CMSS1: variants seen among roughly 807,000 people sequenced by gnomAD.
CMSS1 encodes the protein protein CMSS1.
A neutral mutation model predicts 43.5 loss-of-function variants in CMSS1; 33 were observed. That is an observed-to-expected ratio of 0.76 (90% CI 0.57 to 1.01). The LOEUF (loss-of-function observed/expected upper bound fraction) is 1.01, where lower values mean the gene tolerates loss of function less well. Among genes scored for constraint, CMSS1 ranks in the 50% least tolerant of loss-of-function variants. CMSS1 has a pLI of 0.00. For missense variants in CMSS1, 313 were observed against 326.4 expected (o/e 0.96, Z 0.32); for synonymous variants, 115 against 117.2 (o/e 0.98, Z 0.12).
intron 1 of CMSS1, among the ~76,000 whole-genome samples, chr3:99,864,155 TAAC>T (rs1038850702): frequency 5.9e-5 from 9 of 152,220 alleles, no homozygotes; most frequent in African/African-American, 2.2e-4. Flanking sequence ...ATTTGACTTA[TAAC>T]AACAGCTTGA....
At position 99,983,460 on chromosome 3, in the gene CMSS1, GTGTGTATATATATATATATATATATATA is replaced by G. The variant is rs1559713665; in HGVS notation, c.65-163511_65-163484del. On this transcript the variant is annotated intron_variant, in intron 1 of 9. Transcript: ENST00000421999. ...TATATATGTATGTATATATATATAT[GTGTGTATATATATATATATATATATATA>G]TATATATATATATATATATATGTAT... is the stretch of plus-strand genomic sequence containing the variant. 8.9e-3 allele frequency among the ~76,000 whole-genome samples: 618 copies of G among 69,464 alleles called. 20 individuals are homozygous for G. Among genetic ancestry groups the G allele is most frequent in the African/African-American group, 0.015 (147 of 9,670 alleles). 45.6% of individuals were successfully genotyped at this position (69,464 alleles called of 152,430 possible).
intron 1 of CMSS1, among the ~76,000 whole-genome samples, chr3:100,036,862 G>A (rs938371055): frequency 1.3e-5 from 2 of 152,094 alleles, no homozygotes; most frequent in African/African-American, 2.4e-5. Context: ...TTGATATTAC[G>A]CAGTGAGAAA....
chr3:99,978,546 A>AATAAGCCAGG (rs1709033059), intron 1 of CMSS1, among the ~76,000 whole-genome samples: 4 of 152,240 alleles, frequency 2.6e-5, no homozygotes, highest in Non-Finnish European at 4.4e-5. Context: ...AGAAGGATGA[A>AATAAGCCAGG]CACACCACAT....
intron 1 of CMSS1, among the ~76,000 whole-genome samples, chr3:100,034,248 G>T (rs576714156): frequency 4.0e-4 from 61 of 152,258 alleles, no homozygotes; most frequent in African/African-American, 1.2e-3. Context: ...CTCAGAATGG[G>T]GGGAAAAAGC....
At chr3:99,844,174 A>G (rs573475773) in intron 1 of CMSS1, among the ~76,000 whole-genome samples, 6 of 152,286 alleles carry the variant, frequency 3.9e-5, no homozygotes, top group Non-Finnish European at 8.8e-5. Context: ...TAGCCCAGAA[A>G]AAGATCAAAA....
chr3:100,110,130 T>C (rs1385969480), intron 1 of CMSS1: 1 of 152,054 alleles, frequency 6.6e-6, no homozygotes, highest in African/African-American at 2.4e-5. Flanking sequence ...AATGCAATAA[T>C]AAGTTTTAAA....
intron 1 of CMSS1, among the ~76,000 whole-genome samples, chr3:100,068,119 C>T (rs930970395): frequency 6.6e-6 from 1 of 152,202 alleles, no homozygotes; most frequent in Non-Finnish European, 1.5e-5. Context: ...ATATGTAAAA[C>T]TCCAAGGCAA....
chr3:99,826,365 G>C (rs1187278653), intron 1 of CMSS1, among the ~76,000 whole-genome samples: 1 of 152,154 alleles, frequency 6.6e-6, no homozygotes, highest in East Asian at 1.9e-4. Context: ...AATATTTTAG[G>C]TTGTGTGGGT....
intron 1 of CMSS1, among the ~76,000 whole-genome samples, chr3:100,056,686 G>A (rs966151463): frequency 6.6e-6 from 1 of 151,246 alleles, no homozygotes; most frequent in Non-Finnish European, 1.5e-5. Flanking sequence ...CAACCAGGTA[G>A]CAGCTCTAGA....
chr3:99,861,229 GACTT>G (rs1944236955), intron 1 of CMSS1, among the ~76,000 whole-genome samples: 1 of 152,112 alleles, frequency 6.6e-6, no homozygotes. Flanking sequence ...AACAGATTAA[GACTT>G]TAGGTCTTTG....
intron 1 of CMSS1, among the ~76,000 whole-genome samples, chr3:99,936,530 C>T (rs113896850): frequency 2.0e-4 from 28 of 139,944 alleles, no homozygotes; most frequent in African/African-American, 2.7e-4. Context: ...CGCGCACCAC[C>T]ACACCCAGCT....
rs547932382 is a variant in CMSS1 at position 100,051,720 on chromosome 3, G to A, written c.65-95253G>A. On this transcript the variant is annotated intron_variant, in intron 1 of 9. Coordinates refer to ENST00000421999, the MANE Select transcript of CMSS1 (RefSeq NM_032359.4). ...TTATGGCTGCATAGTATTCCATGGT[G>A]TACATGTGCCACATTTTCTTAATCT... Among the ~76,000 whole-genome samples the A allele has an allele frequency of 2.6e-5, 4 of 151,792 alleles. No individual in the cohort carries two copies. The South Asian group carries it at 8.3e-4, about 32-fold the overall frequency.
chr3:100,058,850 G>C (rs1402664752), intron 1 of CMSS1, among the ~76,000 whole-genome samples: 4 of 152,186 alleles, frequency 2.6e-5, no homozygotes, highest in Non-Finnish European at 5.9e-5. Flanking sequence ...ATAAAGTTTA[G>C]TAGTTGAGTG....
intron 1 of CMSS1, among the ~76,000 whole-genome samples, chr3:99,870,285 T>C (rs1944724954): frequency 6.6e-6 from 1 of 152,320 alleles, no homozygotes; most frequent in African/African-American, 2.4e-5. Context: ...ATTCTTACTC[T>C]TTTAGTCTCA....
intron 1 of CMSS1, among the ~76,000 whole-genome samples, chr3:100,108,796 C>T (rs1161036472): frequency 1.3e-5 from 2 of 152,148 alleles, no homozygotes; most frequent in Non-Finnish European, 2.9e-5. Flanking sequence ...TGGTACACCT[C>T]ATGCTCAGCA....
chr3:99,831,208 T>G (rs1344056031), intron 1 of CMSS1, among the ~76,000 whole-genome samples: 1 of 152,224 alleles, frequency 6.6e-6, no homozygotes, highest in African/African-American at 2.4e-5. Flanking sequence ...ATAGTATAAT[T>G]ATGACAACAT....
At chr3:99,969,315 A>G (rs1708746784) in intron 1 of CMSS1, among the ~76,000 whole-genome samples, 1 of 152,238 alleles carries the variant, frequency 6.6e-6, no homozygotes, top group African/African-American at 2.4e-5. Flanking sequence ...GCTCTTGAGC[A>G]ATATGACAGT....
chr3:99,843,902 A>G (rs1240621216), intron 1 of CMSS1, among the ~76,000 whole-genome samples: 2 of 152,200 alleles, frequency 1.3e-5, no homozygotes, highest in East Asian at 3.9e-4. Context: ...TGAACTGCAC[A>G]TGCGAGGGGT....
At chr3:99,934,254 G>T (rs965949371) in intron 1 of CMSS1, among the ~76,000 whole-genome samples, 2 of 152,140 alleles carry the variant, frequency 1.3e-5, no homozygotes, top group Non-Finnish European at 2.9e-5. Context: ...AAGATACAAG[G>T]CCACATTGCA....
Sources: allele counts gnomAD v4.1 joint callset (sites outside exome capture counted in the v4.1 genomes callset), GRCh38; gene constraint gnomAD v4.1.1; transcripts MANE v1.5; gene names NCBI Gene and HGNC (gene_info 2026-07-23, HGNC 2026-07-21).